PPHLN1: variants seen among roughly 807,000 people sequenced by gnomAD.
The protein encoded by PPHLN1 is periphilin-1.
In PPHLN1, 29 loss-of-function variants were observed where a neutral mutation model predicts 51.3. That is an observed-to-expected ratio of 0.57 (90% CI 0.42 to 0.77). PPHLN1 has a LOEUF of 0.77. PPHLN1 is among the 30% of genes least tolerant of loss of function. The probability of loss-of-function intolerance (pLI) is 0.00; values close to 1 mark genes in which losing one functional copy is unlikely to be tolerated. For synonymous variants in PPHLN1, 147 were observed against 147.8 expected, an observed-to-expected ratio of 0.99 and a Z score of 0.04; for missense variants, 436 against 438.4, an observed-to-expected ratio of 0.99 and a Z score of 0.05.
chr12:42,332,817 T>C (rs987753187), intron 1 of PPHLN1: 1 of 547,534 alleles, frequency 1.8e-6, no homozygotes, highest in East Asian at 3.4e-5. Flanking sequence ...AGAACTCTTA[T>C]TGTTTATTTT....
At chr12:42,331,098 G>A (rs1353773082) in intron 1 of PPHLN1, among the ~76,000 whole-genome samples, 3 of 152,152 alleles carry the variant, frequency 2.0e-5, no homozygotes, top group Non-Finnish European at 4.4e-5. Context: ...CCCCACATCT[G>A]GAGAAGAATA....
At chr12:42,416,652 G>C (rs1052616737) in intron 9 of PPHLN1, among the ~76,000 whole-genome samples, 2 of 152,228 alleles carry the variant, frequency 1.3e-5, no homozygotes, top group Non-Finnish European at 2.9e-5. Flanking sequence ...CAGGAAGGAA[G>C]TGTTCTGTTT....
At chr12:42,410,685 G>A (rs1277048962) in intron 9 of PPHLN1, among the ~76,000 whole-genome samples, 1 of 152,210 alleles carries the variant, frequency 6.6e-6, no homozygotes, top group Non-Finnish European at 1.5e-5. Flanking sequence ...CTTTTAAGCA[G>A]TTAGAAAGTA....
intron 9 of PPHLN1, chr12:42,399,265 A>C: frequency 2.1e-6 from 2 of 966,874 alleles, no homozygotes; most frequent in African/African-American, 1.7e-5. Flanking sequence ...AAAATTATTA[A>C]AGTTAATAGG....
intron 9 of PPHLN1, among the ~76,000 whole-genome samples, chr12:42,405,635 T>A (rs576788484): frequency 6.6e-6 from 1 of 151,420 alleles, no homozygotes; most frequent in Non-Finnish European, 1.5e-5. Flanking sequence ...AATCAGACAA[T>A]GCAATATATG....
At chr12:42,433,165 C>A in intron 9 of PPHLN1, 1 of 769,492 alleles carries the variant, frequency 1.3e-6, no homozygotes, top group Non-Finnish European at 2.4e-6. Flanking sequence ...ACATAAAATT[C>A]TCCTTTCATC....
Position 42,399,005 on chromosome 12 carries a change from A to G in PPHLN1, c.909+11A>G. ...AAAGAGATTGAACAGGTGAGAGTCT[A>G]GTTGTCTTCATGTACATAATTTTTG... On this transcript the variant is annotated intron_variant, in intron 9 of 9. Transcript: ENST00000358314. 1.2e-6 allele frequency: 2 copies of G among 1,611,844 alleles called. No individual in the cohort carries two copies. Among genetic ancestry groups the G allele is most frequent in the Non-Finnish European group, 8.5e-7 (1 of 1,178,678 alleles).
chr12:42,445,080 G>A (rs913222770), downstream of PPHLN1: 12 of 702,160 alleles, frequency 1.7e-5, no homozygotes, highest in Admixed American at 6.0e-5. Context: ...GTCTACTCTC[G>A]AGCCGGCCCT....
intron 4 of PPHLN1, among the ~76,000 whole-genome samples, chr12:42,357,535 G>C (rs919927779): frequency 3.3e-5 from 5 of 152,216 alleles, no homozygotes; most frequent in African/African-American, 1.2e-4. Flanking sequence ...AATAAATAGT[G>C]TGCTGGGACA....
chr12:42,434,269 C>G (rs953184522), intron 9 of PPHLN1, among the ~76,000 whole-genome samples: 2 of 152,172 alleles, frequency 1.3e-5, no homozygotes, highest in African/African-American at 4.8e-5. Flanking sequence ...ACAACACACA[C>G]TGGGGCCTGT....
At chr12:42,427,017 G>A (rs959404204) in intron 9 of PPHLN1, among the ~76,000 whole-genome samples, 1 of 150,994 alleles carries the variant, frequency 6.6e-6, no homozygotes, top group East Asian at 1.9e-4. Flanking sequence ...CGCCGTGCAG[G>A]TTTCTCAAAC....
At chr12:42,403,095 CA>C (rs1254926243) in intron 9 of PPHLN1, among the ~76,000 whole-genome samples, 1 of 152,180 alleles carries the variant, frequency 6.6e-6, no homozygotes, top group Non-Finnish European at 1.5e-5. Flanking sequence ...AAAGTAGTGG[CA>C]GCTGTATCTA....
intron 9 of PPHLN1, among the ~76,000 whole-genome samples, chr12:42,427,005 C>T (rs2081559407): frequency 6.6e-6 from 1 of 152,038 alleles, no homozygotes; most frequent in Non-Finnish European, 1.5e-5. Flanking sequence ...GGGTGGATCT[C>T]GCGCCGTGCA....
chr12:42,375,844 C>T (rs2076222764), intron 5 of PPHLN1, among the ~76,000 whole-genome samples: 1 of 152,160 alleles, frequency 6.6e-6, no homozygotes, highest in African/African-American at 2.4e-5. Flanking sequence ...CTAGACTCTG[C>T]AGCCTGCAGT....
intron 2 of PPHLN1, among the ~76,000 whole-genome samples, chr12:42,337,777 T>TTTTATTTTATTTTATTTAA (rs759818493): frequency 2.1e-5 from 3 of 140,368 alleles, no homozygotes; most frequent in Non-Finnish European, 4.5e-5. Context: ...TTTTATTTTA[T>TTTTATTTTATTTTATTTAA]TTTATTTATT....
chr12:42,353,219 A>G (rs2073615384), intron 3 of PPHLN1, among the ~76,000 whole-genome samples: 1 of 152,220 alleles, frequency 6.6e-6, no homozygotes, highest in Non-Finnish European at 1.5e-5. Flanking sequence ...CTGTGATGGA[A>G]TTCCTCTGTC....
rs562490631 is a variant in PPHLN1, at chr12:42,406,283, C to T, written c.909+7289C>T. The stretch of plus-strand genomic sequence containing the variant: ...TATTTTTAGTAGAGATGGGGTTTCC[C>T]GTTAGCTAGGACGGTCTCGATCTCC... On this transcript the variant is annotated intron_variant, in intron 9 of 9. Coordinates refer to ENST00000358314, the MANE Select transcript of PPHLN1 (RefSeq NM_201439.2). Among the ~76,000 whole-genome samples, 203 of 151,918 alleles carry T rather than the reference C, an allele frequency of 1.3e-3. 1 individual carries two copies. Among genetic ancestry groups the T allele is most frequent in the Admixed American group, 4.5e-3 (69 of 15,234 alleles).
chr12:42,425,639 G>A (rs1177621620), intron 9 of PPHLN1, among the ~76,000 whole-genome samples: 7 of 151,840 alleles, frequency 4.6e-5, no homozygotes, highest in African/African-American at 1.5e-4. Context: ...CACCTGCCTC[G>A]GCCTCCCAGA....
At chr12:42,439,263 GATAACCAGTTGTTCA>G (rs2082733516) in intron 9 of PPHLN1, among the ~76,000 whole-genome samples, 2 of 152,224 alleles carry the variant, frequency 1.3e-5, no homozygotes, top group African/African-American at 4.8e-5. Context: ...CATGTAGATA[GATAACCAGTTGTTCA>G]AGTACTGCTC....
Sources: gnomAD v4.1 joint callset for allele counts (sites outside exome capture counted in the v4.1 genomes callset) on GRCh38, gnomAD v4.1.1 for gene constraint, MANE v1.5 for transcripts, NCBI Gene and HGNC (gene_info 2026-07-23, HGNC 2026-07-21) for gene names.